The following FBXO15 variants were observed in gnomAD, a reference collection of about 807,000 sequenced individuals.
The protein encoded by FBXO15 is F-box protein 15.
A neutral mutation model predicts 49.5 loss-of-function variants in FBXO15; 30 were observed. That is an observed-to-expected ratio of 0.61 (90% CI 0.45 to 0.82). The LOEUF (loss-of-function observed/expected upper bound fraction) is 0.82. Among genes scored for constraint, FBXO15 ranks in the 40% least tolerant of loss-of-function variants. The pLI is 0.00. For missense variants in FBXO15, 591 were observed against 631.5 expected, an observed-to-expected ratio of 0.94 and a Z score of 0.69; for synonymous variants, 250 against 232.7, an observed-to-expected ratio of 1.07 and a Z score of -0.68.
rs767151494 is a variant in FBXO15 at position 74,074,487 on chromosome 18, G to A, written c.1264-757C>T. Among the ~76,000 whole-genome samples the A allele has an allele frequency of 6.6e-6, 1 of 152,124 alleles. No homozygotes were observed. Among genetic ancestry groups the A allele is most frequent in the African/African-American group, 2.4e-5 (1 of 41,418 alleles). ...TATTCACTCCCACAGTCACATGGCC[G>A]ACACAGCACTTCCCGGAAGTGGTCC... On this transcript the variant is annotated intron_variant, in intron 9 of 9. Transcript: ENST00000419743. The surrounding 1 kb of genome is among the most constrained non-coding windows in gnomAD (Gnocchi z 4.7).
intron 2 of FBXO15, among the ~76,000 whole-genome samples, chr18:74,138,702 A>G (rs906494256): frequency 3.3e-5 from 5 of 151,958 alleles, no homozygotes; most frequent in African/African-American, 1.2e-4. Flanking sequence ...TAACCAGTCC[A>G]AAGTCATTAT....
At chr18:74,096,661 C>G (rs188802341) in intron 8 of FBXO15, among the ~76,000 whole-genome samples, 1 of 148,728 alleles carries the variant, frequency 6.7e-6, no homozygotes, top group South Asian at 2.1e-4. Context: ...AAAAAAAACA[C>G]AAAAAACAAA....
chr18:74,147,461 A>T (rs3813116), intron 1 of FBXO15: 2 of 1,201,560 alleles, frequency 1.7e-6, no homozygotes, highest in African/African-American at 1.6e-5. Context: ...TTTCCCCGAG[A>T]GGCTACTCTA....
At chr18:74,102,887 T>C (rs1010524682) in intron 8 of FBXO15, among the ~76,000 whole-genome samples, 1 of 152,066 alleles carries the variant, frequency 6.6e-6, no homozygotes, top group Non-Finnish European at 1.5e-5. Context: ...TTTTCACTCA[T>C]AAGTGGGAAC....
chr18:74,102,828 T>C (rs1167651409), intron 8 of FBXO15, among the ~76,000 whole-genome samples: 3 of 152,160 alleles, frequency 2.0e-5, no homozygotes, highest in Admixed American at 6.5e-5. Context: ...GACTGGAGAC[T>C]ATTATTCTAA....
Position 74,147,828 on chromosome 18 carries a change from G to T in FBXO15, c.-43C>A. ...CACAGGACCGCGCCAGGGCTGAAAC[G>T]AAGAGTGCACGCACCGCCCCCACGC... On this transcript the variant is annotated 5_prime_UTR_variant, in exon 1 of 10. Coordinates refer to ENST00000419743, the MANE Select transcript of FBXO15 (RefSeq NM_001142958.2). 1 of 1,469,362 alleles carries T rather than the reference G, an allele frequency of 6.8e-7. No homozygotes were observed. 91.0% of individuals were successfully genotyped at this position (1,469,362 alleles called of 1,614,324 possible). A position where few individuals can be genotyped will look rare whatever the true frequency, so the allele number is the denominator to read the frequency against.
At chr18:74,094,907 T>G (rs1913210668) in intron 8 of FBXO15, among the ~76,000 whole-genome samples, 3 of 152,252 alleles carry the variant, frequency 2.0e-5, no homozygotes, top group Admixed American at 2.0e-4. Context: ...GTAGCCACCT[T>G]CATCAATGAT....
chr18:74,134,620 G>A (rs973320809), intron 3 of FBXO15, among the ~76,000 whole-genome samples: 14 of 152,084 alleles, frequency 9.2e-5, no homozygotes, highest in East Asian at 3.9e-4. Flanking sequence ...CGCCCGCCTC[G>A]GCCTCCCAAA....
At chr18:74,087,651 T>C (rs1396834979) in intron 8 of FBXO15, among the ~76,000 whole-genome samples, 3 of 152,222 alleles carry the variant, frequency 2.0e-5, no homozygotes, top group African/African-American at 7.2e-5. Context: ...TCTTTGCTAT[T>C]GTGAATAGTG....
intron 2 of FBXO15, 48 bp downstream of exon 2, chr18:74,140,154 C>T: frequency 6.8e-7 from 1 of 1,471,462 alleles, no homozygotes. Flanking sequence ...CTCTAATAAC[C>T]CCATGCCTAG....
intron 8 of FBXO15, among the ~76,000 whole-genome samples, chr18:74,116,573 C>T (rs1914239391): frequency 6.6e-6 from 1 of 152,178 alleles, no homozygotes. Flanking sequence ...CTCAACCCTA[C>T]TACCTCGGCC....
intron 8 of FBXO15, among the ~76,000 whole-genome samples, chr18:74,082,773 T>G (rs746675490): frequency 4.6e-5 from 7 of 152,136 alleles, no homozygotes; most frequent in African/African-American, 9.7e-5. Flanking sequence ...GACCATCAGT[T>G]GCTTCTCACA....
Position 74,074,212 on chromosome 18 carries a change from C to G in FBXO15, c.1264-482G>C, listed in dbSNP as rs1912160325. ...GCTTCTCTGAGGCTCTGAACTGCAG[C>G]TCTGCACCCATGCTCCATGCCTGTC... is the stretch of plus-strand genomic sequence containing the variant. On this transcript the variant is annotated intron_variant, in intron 9 of 9. Transcript: ENST00000419743. The surrounding 1 kb of genome is among the most constrained non-coding windows in gnomAD (Gnocchi z 4.7). Among the ~76,000 whole-genome samples the G allele has an allele frequency of 6.6e-6, 1 of 152,226 alleles. No homozygotes were observed. Among genetic ancestry groups the G allele is most frequent in the Non-Finnish European group, 1.5e-5 (1 of 68,042 alleles).
At position 74,123,464 on chromosome 18, in the gene FBXO15, C is replaced by T. The variant is rs778104419; in HGVS notation, c.1042G>A (p.Glu348Lys). Residue 348 changes from glutamate to lysine, a missense_variant, in exon 8 of 10, where the codon GAG (glutamate) becomes AAG (lysine). Coordinates refer to ENST00000419743, the MANE Select transcript of FBXO15 (RefSeq NM_001142958.2). ...PHSPFLDDSP[E>K]YGLHGYQLHV... ...AGTTGGTAGCCGTGCAGTCCATACT[C>T]GGGGCTATCATCCAAAAAGGGGCTA... The T allele has an allele frequency of 8.1e-6, 13 of 1,613,794 alleles. No homozygotes were observed. The highest frequency in any genetic ancestry group is 5.0e-5 in the Admixed American group (3 of 59,976).
chr18:74,143,346 TA>T (rs1226371327), intron 1 of FBXO15, among the ~76,000 whole-genome samples: 4 of 152,204 alleles, frequency 2.6e-5, no homozygotes, highest in African/African-American at 7.2e-5. Context: ...GGATCAATTT[TA>T]ATCTAGCAAT....
intron 8 of FBXO15, among the ~76,000 whole-genome samples, chr18:74,104,606 A>C (rs964466459): frequency 6.6e-5 from 10 of 152,148 alleles, no homozygotes; most frequent in Non-Finnish European, 1.3e-4. Flanking sequence ...TACAACTGCA[A>C]ACCAAAAAAG....
Position 74,125,965 on chromosome 18 carries a change from C to A in FBXO15, c.912+10G>T. ...AAATGACACAGTACATACAGGGACT[C>A]AAGTCTTACCTTCCACACTCCCACC... On this transcript the variant is annotated intron_variant, in intron 6 of 9. Coordinates refer to ENST00000419743, the MANE Select transcript of FBXO15 (RefSeq NM_001142958.2). 6.2e-7 allele frequency: 1 copy of A among 1,613,712 alleles called. No individual in the cohort carries two copies. The highest frequency in any genetic ancestry group is 1.1e-5 in the South Asian group (1 of 91,030).
rs764896897 is a variant in FBXO15 at position 74,081,960 on chromosome 18, C to A, written c.1230G>T (p.Ser410=). 7 of 1,612,876 alleles carry A rather than the reference C, an allele frequency of 4.3e-6. No homozygotes were observed. The highest frequency in any genetic ancestry group is 2.2e-5 in the East Asian group (1 of 44,854). The part of the protein sequence containing the change: ...HLPLIGKVGL[S]WKTDIFDGCI... ...AGCCATCAAAAATATCAGTTTTCCA[C>A]GAGAGGCCAACTTTTCCAATAAGAG... Residue 410 remains serine (S), a synonymous_variant, in exon 9 of 10, where the codon TCG becomes TCT. Coordinates refer to ENST00000419743, the MANE Select transcript of FBXO15 (RefSeq NM_001142958.2).
At chr18:74,140,741 C>G (rs557824355) in intron 1 of FBXO15, 36 of 163,602 alleles carry the variant, frequency 2.2e-4, no homozygotes, top group African/African-American at 8.6e-4. Flanking sequence ...TGCTTTCACC[C>G]AAAGGTTTAG....
Sources: gnomAD v4.1 joint callset for allele counts (sites outside exome capture counted in the v4.1 genomes callset) on GRCh38, gnomAD v4.1.1 for gene constraint, Gnocchi (gnomAD v3.1) non-coding constraint, MANE v1.5 for transcripts, NCBI Gene and HGNC (gene_info 2026-07-23, HGNC 2026-07-21) for gene names.